The following SRGAP2 variants were observed in gnomAD, a reference collection of about 807,000 sequenced individuals.
SRGAP2 encodes SLIT-ROBO Rho GTPase-activating protein 2.
In SRGAP2, 15 loss-of-function variants were observed where a neutral mutation model predicts 57.2. The observed-to-expected ratio is 0.26, with a 90% CI of 0.18 to 0.40. The LOEUF (loss-of-function observed/expected upper bound fraction) is 0.40, where lower values mean the gene tolerates loss of function less well. Among genes scored for constraint, SRGAP2 ranks in the 10% least tolerant of loss-of-function variants. SRGAP2 has a pLI of 1.00. For synonymous variants in SRGAP2, 249 were observed against 248.0 expected (o/e 1.00, Z -0.04); for missense variants, 520 against 669.6 (o/e 0.78, Z 2.47).
chr1:206,222,670 C>CAA (rs1213665683), intron 2 of SRGAP2, among the ~76,000 whole-genome samples: 2 of 122,012 alleles, frequency 1.6e-5, no homozygotes, highest in Non-Finnish European at 1.8e-5. Context: ...ATCCTGTCTC[C>CAA]AAAAAAAAAA....
intron 2 of SRGAP2, among the ~76,000 whole-genome samples, chr1:206,283,397 G>A (rs1670839272): frequency 6.6e-6 from 1 of 151,980 alleles, no homozygotes; most frequent in South Asian, 2.1e-4. Context: ...ACTTGGGCAG[G>A]GCATGGTGGC....
chr1:206,425,748 T>A (rs1553366068), intron 13 of SRGAP2, among the ~76,000 whole-genome samples: 1 of 152,090 alleles, frequency 6.6e-6, no homozygotes, highest in African/African-American at 2.4e-5. Flanking sequence ...TTGGCCAGGC[T>A]GGTCTCGAAC....
chr1:206,439,357 G>C (rs1282227894), intron 16 of SRGAP2, among the ~76,000 whole-genome samples: 3 of 151,978 alleles, frequency 2.0e-5, no homozygotes, highest in Admixed American at 1.3e-4. Flanking sequence ...GCTACCTCTT[G>C]CCTCAGGCCA....
intron 3 of SRGAP2, among the ~76,000 whole-genome samples, chr1:206,309,684 A>G (rs1448584416): frequency 6.6e-6 from 1 of 151,988 alleles, no homozygotes; most frequent in African/African-American, 2.4e-5. Context: ...TGGTGATCCT[A>G]CTTTGAACGT....
rs150975495 is a variant in SRGAP2, at chr1:206,454,249, C to T, written c.2361-629C>T. On this transcript the variant is annotated intron_variant, in intron 20 of 22. Transcript: ENST00000573034. The surrounding 1 kb of genome is among the most constrained non-coding windows in gnomAD (Gnocchi z 4.3). ...ATCGCAAACCTGGTGGCAATCTGTG[C>T]GTGGACAGGACCCTCCCAAATTTAG... 189 of 700,034 alleles carry T rather than the reference C, an allele frequency of 2.7e-4. No individual in the cohort carries two copies. The African/African-American group carries it at 2.8e-3, about 10-fold the overall frequency. 43.4% of individuals were successfully genotyped at this position (700,034 alleles called of 1,614,324 possible).
At chr1:206,453,805 C>G (rs368586137) in intron 20 of SRGAP2, 103 of 304,680 alleles carry the variant, frequency 3.4e-4, no homozygotes, top group African/African-American at 1.9e-3. Context: ...TTGAGCCACT[C>G]TTCCACTTGC....
chr1:206,442,647 G>T (rs1553372413), intron 17 of SRGAP2, among the ~76,000 whole-genome samples: 1 of 152,092 alleles, frequency 6.6e-6, no homozygotes, highest in Non-Finnish European at 1.5e-5. Context: ...TGCTTTTATT[G>T]GGTTTTTTTC....
At chr1:206,414,332 T>G (rs1354796691) in intron 10 of SRGAP2, among the ~76,000 whole-genome samples, 25 of 152,198 alleles carry the variant, frequency 1.6e-4, no homozygotes, top group Non-Finnish European at 1.5e-5. Context: ...CCACTGCACC[T>G]GGCTCTGTTC....
chr1:206,305,544 T>G (rs1672137406), intron 3 of SRGAP2, among the ~76,000 whole-genome samples: 1 of 152,214 alleles, frequency 6.6e-6, no homozygotes, highest in South Asian at 2.1e-4. Context: ...GTTCTTCTCT[T>G]AGGGCATTCA....
Position 206,348,065 on chromosome 1 carries a change from G to T in SRGAP2, c.423+5057G>T, listed in dbSNP as rs1439163748. On this transcript the variant is annotated intron_variant, in intron 4 of 22. Coordinates refer to ENST00000573034, the MANE Select transcript of SRGAP2 (RefSeq NM_015326.5). ...CCTCTATGCTATTGAACCCCCTTAA[G>T]GGAGGCTCCTTGCTAGCCCTCTGGT... is the stretch of plus-strand genomic sequence containing the variant. Among the ~76,000 whole-genome samples, 9 of 147,118 alleles carry T rather than the reference G, an allele frequency of 6.1e-5. 1 individual carries two copies. The highest frequency in any genetic ancestry group is 2.4e-4 in the African/African-American group (9 of 37,114).
chr1:206,450,580 C>G (rs1663181996), intron 19 of SRGAP2, 115 bp downstream of exon 19: 1 of 634,752 alleles, frequency 1.6e-6, no homozygotes, highest in African/African-American at 1.8e-5. Context: ...TGAGGGCAGG[C>G]AGAGAGCTCC....
chr1:206,382,621 T>A (rs1188772364), intron 4 of SRGAP2, among the ~76,000 whole-genome samples: 3 of 152,138 alleles, frequency 2.0e-5, no homozygotes, highest in Non-Finnish European at 4.4e-5. Context: ...ACTTTTGTTT[T>A]CTTTTTTGAG....
intron 22 of SRGAP2, among the ~76,000 whole-genome samples, chr1:206,460,806 AT>A (rs1553380195): frequency 1.7e-5 from 2 of 116,816 alleles, no homozygotes; most frequent in African/African-American, 3.3e-5. Flanking sequence ...CTCTAAAAAA[AT>A]ATCAATTACT....
At chr1:206,291,539 T>TC (rs1160096193) in intron 2 of SRGAP2, among the ~76,000 whole-genome samples, 5 of 151,916 alleles carry the variant, frequency 3.3e-5, no homozygotes, top group Admixed American at 3.3e-4. Flanking sequence ...ACAATTAAAA[T>TC]CCAAGTTTTT....
Position 206,432,935 on chromosome 1 carries a change from G to A in SRGAP2, c.1555+2713G>A, listed in dbSNP as rs576305083. On this transcript the variant is annotated intron_variant, in intron 14 of 22. Coordinates refer to ENST00000573034, the MANE Select transcript of SRGAP2 (RefSeq NM_015326.5). ...CTGGGAGCTGTGGCTCTTTGTTGCC[G>A]CCAAGCATTATAAGAGAATATCGTA... is the stretch of plus-strand genomic sequence containing the variant. Among the ~76,000 whole-genome samples the A allele has an allele frequency of 2.6e-4, 40 of 152,232 alleles. 1 individual carries two copies. Among genetic ancestry groups the A allele is most frequent in the African/African-American group, 9.2e-4 (38 of 41,528 alleles).
At chr1:206,319,811 G>T (rs1673342200) in intron 3 of SRGAP2, among the ~76,000 whole-genome samples, 1 of 142,080 alleles carries the variant, frequency 7.0e-6, no homozygotes, top group South Asian at 2.1e-4. Context: ...TGTTGTTGTT[G>T]TTTTTTGTTT....
At chr1:206,347,994 C>T (rs1675772707) in intron 4 of SRGAP2, among the ~76,000 whole-genome samples, 1 of 150,312 alleles carries the variant, frequency 6.7e-6, no homozygotes, top group Admixed American at 6.6e-5. Flanking sequence ...TGGCTCACAG[C>T]TAATTTAGCT....
At chr1:206,289,269 G>A (rs1206691236) in intron 2 of SRGAP2, among the ~76,000 whole-genome samples, 1,505 of 141,768 alleles carry the variant, frequency 0.011, 10 homozygotes, top group Middle Eastern at 0.021. Context: ...AAGAGATAAG[G>A]AGGTTTTTTT....
intron 3 of SRGAP2, among the ~76,000 whole-genome samples, chr1:206,321,090 A>G (rs879978495): frequency 5.5e-5 from 8 of 144,718 alleles, no homozygotes; most frequent in Non-Finnish European, 1.5e-5. Context: ...AATTCATTCA[A>G]TTGTCTTATC....
Sources: allele counts gnomAD v4.1 joint callset (sites outside exome capture counted in the v4.1 genomes callset), GRCh38; gene constraint gnomAD v4.1.1; non-coding constraint Gnocchi (gnomAD v3.1); transcripts MANE v1.5; gene names NCBI Gene and HGNC (gene_info 2026-07-23, HGNC 2026-07-21).